ZMYM4: variants seen among roughly 807,000 people sequenced by gnomAD.
ZMYM4 encodes the protein zinc finger MYM-type containing 4.
In ZMYM4, 31 loss-of-function variants were observed where a neutral mutation model predicts 183.2. That is an observed-to-expected ratio of 0.17 (90% CI 0.13 to 0.23). The LOEUF (loss-of-function observed/expected upper bound fraction) is 0.23, where lower values mean the gene tolerates loss of function less well. ZMYM4 is among the 10% of genes least tolerant of loss of function. The pLI, the probability that ZMYM4 is intolerant of heterozygous loss-of-function variation, is 1.00. For synonymous variants in ZMYM4, 592 were observed against 631.2 expected (o/e 0.94, Z 0.93); for missense variants, 1,273 against 1,840.3 (o/e 0.69, Z 5.64).
At chr1:35,301,660 C>T (rs557703450) in intron 1 of ZMYM4, among the ~76,000 whole-genome samples, 38 of 151,916 alleles carry the variant, frequency 2.5e-4, no homozygotes, top group African/African-American at 8.4e-4. Context: ...GTGACTGTTT[C>T]ACTGGCCTCC....
At chr1:35,401,045 G>A (rs949861946) in intron 23 of ZMYM4, among the ~76,000 whole-genome samples, 1 of 152,072 alleles carries the variant, frequency 6.6e-6, no homozygotes, top group Non-Finnish European at 1.5e-5. Context: ...TTTCCAGATT[G>A]GGGCTATTTT....
chr1:35,372,176 G>T (rs1304045172), intron 7 of ZMYM4, among the ~76,000 whole-genome samples: 2 of 152,264 alleles, frequency 1.3e-5, no homozygotes, highest in Non-Finnish European at 1.5e-5. Flanking sequence ...GTTCAAAAAT[G>T]AAATTTGATT....
intron 4 of ZMYM4, 147 bp downstream of exon 4, chr1:35,361,402 C>T (rs765932374): frequency 1.1e-5 from 10 of 948,130 alleles, no homozygotes; most frequent in African/African-American, 8.5e-5. Context: ...AGGTCATCAT[C>T]GGAGACATTC....
At chr1:35,354,592 T>C (rs993465792) in intron 2 of ZMYM4, among the ~76,000 whole-genome samples, 4 of 151,928 alleles carry the variant, frequency 2.6e-5, no homozygotes, top group Admixed American at 6.6e-5. Context: ...CCGGGTGTGG[T>C]GGCAGGTGCC....
intron 1 of ZMYM4, among the ~76,000 whole-genome samples, chr1:35,294,648 AAGTT>A (rs1336319259): frequency 2.0e-5 from 3 of 152,146 alleles, no homozygotes; most frequent in South Asian, 2.1e-4. Flanking sequence ...TTTGGGGAAA[AAGTT>A]AGATCTTTTT....
chr1:35,376,016 C>CA (rs1644326328), intron 7 of ZMYM4, among the ~76,000 whole-genome samples: 1 of 151,308 alleles, frequency 6.6e-6, no homozygotes, highest in Non-Finnish European at 1.5e-5. Flanking sequence ...TTTGAGGCTG[C>CA]AGTGAGCTAT....
At chr1:35,337,727 C>T (rs1643034583) in intron 2 of ZMYM4, among the ~76,000 whole-genome samples, 1 of 151,768 alleles carries the variant, frequency 6.6e-6, no homozygotes, top group Non-Finnish European at 1.5e-5. Flanking sequence ...GGTGGATCAC[C>T]TGAGGTCAGG....
At position 35,372,578 on chromosome 1, in the gene ZMYM4, A is replaced by G. The variant is rs1049656871; in HGVS notation, c.1181+1951A>G. On this transcript the variant is annotated intron_variant, in intron 7 of 29. Coordinates refer to ENST00000314607, the MANE Select transcript of ZMYM4 (RefSeq NM_005095.3). ...ATATATTAATTAGCTAGATTTAGGC[A>G]TCGCACAGTGTGTATGTGTATACAC... Among the ~76,000 whole-genome samples the G allele has an allele frequency of 2.6e-5, 4 of 152,214 alleles. No homozygotes were observed. The South Asian group carries it at 8.3e-4, about 31-fold the overall frequency.
chr1:35,377,612 T>C (rs571966289), intron 7 of ZMYM4, among the ~76,000 whole-genome samples: 1 of 152,262 alleles, frequency 6.6e-6, no homozygotes, highest in East Asian at 1.9e-4. Flanking sequence ...AAGTTGTGTT[T>C]ATACTGTAGT....
At chr1:35,282,979 G>GTTTTT (rs1452098602) in intron 1 of ZMYM4, among the ~76,000 whole-genome samples, 12 of 43,272 alleles carry the variant, frequency 2.8e-4, no homozygotes, top group Admixed American at 2.0e-3. Context: ...CTGTGTGTGT[G>GTTTTT]GTTTTTTTTT....
chr1:35,268,855 A>G lies in ZMYM4; in HGVS notation c.-192A>G, dbSNP rs1639436981. The G allele has an allele frequency of 2.0e-6, 1 of 499,714 alleles. No homozygotes were observed. Among genetic ancestry groups the G allele is most frequent in the East Asian group, 4.1e-5 (1 of 24,668 alleles). The allele number at this position is 499,714 out of a possible 1,614,324, so 31.0% of individuals were successfully genotyped here. A position where few individuals can be genotyped will look rare whatever the true frequency, so the allele number is the denominator to read the frequency against. ...GGCAGGCCCTCCCGCCCACGCGCGGACCCGTGGGATCTCAGAAGCTGCGGC... is the reference window on the plus strand; with the variant it reads ...GGCAGGCCCTCCCGCCCACGCGCGGGCCCGTGGGATCTCAGAAGCTGCGGC... On this transcript the variant is annotated 5_prime_UTR_variant, in exon 1 of 30. Transcript: ENST00000314607.
intron 1 of ZMYM4, among the ~76,000 whole-genome samples, chr1:35,288,267 C>T (rs1220639408): frequency 6.6e-6 from 1 of 152,160 alleles, no homozygotes; most frequent in Non-Finnish European, 1.5e-5. Flanking sequence ...TTCCTCTACC[C>T]CATTCATTTT....
At chr1:35,361,856 G>T in intron 5 of ZMYM4, 67 bp downstream of exon 5, 2 of 1,543,910 alleles carry the variant, frequency 1.3e-6, no homozygotes, top group Non-Finnish European at 1.7e-6. Context: ...TTTGAGAGAG[G>T]AAGTGCTTAA....
chr1:35,370,337 A>C, intron 6 of ZMYM4, 35 bp from the exon 7 acceptor site: 1 of 1,077,298 alleles, frequency 9.3e-7, no homozygotes, highest in Non-Finnish European at 1.3e-6. Context: ...TTTTTCTTTC[A>C]ATTTTTTTTT....
rs879138343 is a variant in ZMYM4 at position 35,325,198 on chromosome 1, C to G, written c.40-162C>G. On this transcript the variant is annotated intron_variant, in intron 1 of 29. Coordinates refer to ENST00000314607, the MANE Select transcript of ZMYM4 (RefSeq NM_005095.3). ...GGTCTGAGAACTACTTTGGTTCATC[C>G]TAAATTTTATTTTACTCTATTTGGC... is the stretch of plus-strand genomic sequence containing the variant. Among the ~76,000 whole-genome samples the G allele has an allele frequency of 1.4e-4, 21 of 151,892 alleles. No individual in the cohort carries two copies. In the South Asian group the frequency reaches 2.7e-3, roughly 20 times the overall value.
intron 1 of ZMYM4, among the ~76,000 whole-genome samples, chr1:35,280,281 CCT>C (rs1372928029): frequency 1.4e-5 from 2 of 141,450 alleles, no homozygotes; most frequent in South Asian, 2.3e-4. Context: ...TCTCTCTCTC[CCT>C]CTCTCTCTCT....
Position 35,421,071 on chromosome 1 carries a change from T to TTAAA in ZMYM4, c.*1394_*1395insTAAA, listed in dbSNP as rs2149055527. 6.6e-6 allele frequency: 1 copy of TTAAA among 152,572 alleles called. No homozygotes were observed. The highest frequency in any genetic ancestry group is 2.4e-5 in the African/African-American group (1 of 41,584). 9.5% of individuals were successfully genotyped at this position (152,572 alleles called of 1,614,324 possible). On this transcript the variant is annotated 3_prime_UTR_variant, in exon 30 of 30. Coordinates refer to ENST00000314607, the MANE Select transcript of ZMYM4 (RefSeq NM_005095.3). ...TCTTCAGCTAAGGTTAATTTGACGC[T>TTAAA]ATGATAAAACTGAGAGATGTCAAAA... is the stretch of plus-strand genomic sequence containing the variant.
At chr1:35,299,768 C>A (rs1351235229) in intron 1 of ZMYM4, among the ~76,000 whole-genome samples, 1 of 151,946 alleles carries the variant, frequency 6.6e-6, no homozygotes, top group African/African-American at 2.4e-5. Flanking sequence ...CAGAAAGCAA[C>A]CAACAGAGAT....
chr1:35,405,344 CT>C, intron 24 of ZMYM4, 28 bp from the exon 25 acceptor site: 1 of 1,580,932 alleles, frequency 6.3e-7, no homozygotes, highest in East Asian at 2.2e-5. Flanking sequence ...TTTATTTAAA[CT>C]TTTCTTTTAT....
Sources: allele counts gnomAD v4.1 joint callset (sites outside exome capture counted in the v4.1 genomes callset), GRCh38; gene constraint gnomAD v4.1.1; transcripts MANE v1.5; gene names NCBI Gene and HGNC (gene_info 2026-07-23, HGNC 2026-07-21).